The following FAM234B variants were observed in gnomAD, a reference collection of about 807,000 sequenced individuals.
FAM234B encodes the protein family with sequence similarity 234 member B.
In FAM234B, 33 loss-of-function variants were observed where a neutral mutation model predicts 69.3. The observed-to-expected ratio is 0.48, with a 90% CI of 0.36 to 0.64. The LOEUF (loss-of-function observed/expected upper bound fraction) is 0.64, where lower values mean the gene tolerates loss of function less well. Ranked by LOEUF, FAM234B falls within the 30% of genes least tolerant of loss-of-function variation. The pLI, the probability that FAM234B is intolerant of heterozygous loss-of-function variation, is 0.00. For missense variants in FAM234B, 697 were observed against 769.7 expected (o/e 0.91, Z 1.12); for synonymous variants, 306 against 306.9 (o/e 1.00, Z 0.03).
At chr12:13,057,631 G>A (rs1864944591) in intron 2 of FAM234B, among the ~76,000 whole-genome samples, 1 of 152,174 alleles carries the variant, frequency 6.6e-6, no homozygotes, top group Admixed American at 6.5e-5. Flanking sequence ...TTTCCAACAT[G>A]GTTGTACCGA....
At position 13,067,265 on chromosome 12, in the gene FAM234B, A is replaced by T. The variant is rs142786932; in HGVS notation, c.1111A>T (p.Ile371Phe). The T allele has an allele frequency of 6.2e-7, 1 of 1,613,894 alleles. No individual in the cohort carries two copies. Among genetic ancestry groups the T allele is most frequent in the African/African-American group, 1.3e-5 (1 of 74,928 alleles). ...EEPEWEKRRSINLSELIDVYS... is the reference protein window; with the variant it reads ...EEPEWEKRRSFNLSELIDVYS... ...GCCAGAATGGGAAAAGCGAAGATCC[A>T]TCAACCTGTCTGAGCTCATTGATGT... The change falls in exon 7 of 13, where the codon ATC becomes TTC. Residue 371 changes from isoleucine (I) to phenylalanine (F), a missense_variant. By Grantham distance (21) the Ile-to-Phe change is conservative (BLOSUM62 0). This residue lies in a region of FAM234B where 4 missense variants were observed against 17.1 expected (regional missense o/e 0.23). Coordinates refer to ENST00000197268, the MANE Select transcript of FAM234B (RefSeq NM_020853.2). This position sits in a 1 kb window ranked among gnomAD's most constrained non-coding sequence, Gnocchi z 4.7.
chr12:13,067,332 C>G lies in FAM234B; in HGVS notation c.1142+36C>G. 3 of 1,609,706 alleles carry G rather than the reference C, an allele frequency of 1.9e-6. No homozygotes were observed. The highest frequency in any genetic ancestry group is 2.2e-5 in the South Asian group (2 of 90,870). On this transcript the variant is annotated intron_variant, in intron 7 of 12. Transcript: ENST00000197268. The surrounding 1 kb of genome is among the most constrained non-coding windows in gnomAD (Gnocchi z 4.7). ...CGTCTGTCCTTGGTCACAGTGAGAT[C>G]TCTTGTGAACTCACATGCCTTTGAG...
chr12:13,073,798 T>C (rs550585117), intron 10 of FAM234B, among the ~76,000 whole-genome samples: 1 of 152,370 alleles, frequency 6.6e-6, no homozygotes, highest in South Asian at 2.1e-4. Flanking sequence ...CTGTTAATCA[T>C]TGGTTCTCTT....
At chr12:13,069,379 A>G (rs1001731289) in intron 9 of FAM234B, among the ~76,000 whole-genome samples, 4 of 152,202 alleles carry the variant, frequency 2.6e-5, no homozygotes, top group East Asian at 1.9e-4. Flanking sequence ...TGTGAAATAT[A>G]TATCTATTTC....
intron 1 of FAM234B, among the ~76,000 whole-genome samples, chr12:13,046,441 T>C (rs552165801): frequency 6.6e-6 from 1 of 152,262 alleles, no homozygotes; most frequent in South Asian, 2.1e-4. Flanking sequence ...CCCACTGTTT[T>C]CTTTGTTTGT....
At chr12:13,070,172 GATATATATATATATATATATATATAT>G (rs66463903) in intron 9 of FAM234B, among the ~76,000 whole-genome samples, 8 of 139,776 alleles carry the variant, frequency 5.7e-5, no homozygotes, top group African/African-American at 1.6e-4. Flanking sequence ...ATTAAAAAAA[GATATATATATATATATATATATATAT>G]ATATATATAT....
Position 13,079,773 on chromosome 12 carries a change from T to TAGC in FAM234B, c.1643-16_1643-15insAGC, listed in dbSNP as rs1217417459. ...ATGTGTCCATGTTAACTGCTCTTGTTTTTGTCCTTCCTCAGTTGGAATTAA... is the reference window on the plus strand; with the variant it reads ...ATGTGTCCATGTTAACTGCTCTTGTTAGCTTTGTCCTTCCTCAGTTGGAATTAA... On this transcript the variant is annotated splice_polypyrimidine_tract_variant and intron_variant, in intron 11 of 12. Transcript: ENST00000197268. 6.4e-7 allele frequency: 1 copy of TAGC among 1,567,464 alleles called. No homozygotes were observed. Among genetic ancestry groups the TAGC allele is most frequent in the African/African-American group, 1.4e-5 (1 of 73,876 alleles).
At chr12:13,074,210 C>T (rs909150668) in intron 10 of FAM234B, among the ~76,000 whole-genome samples, 2 of 152,196 alleles carry the variant, frequency 1.3e-5, no homozygotes, top group Non-Finnish European at 2.9e-5. Context: ...TCATAATCTG[C>T]ATTTCCATGA....
At chr12:13,075,433 C>CTT (rs59012504) in intron 10 of FAM234B, among the ~76,000 whole-genome samples, 60,999 of 137,320 alleles carry the variant, frequency 0.44, 13,716 homozygotes, top group Middle Eastern at 0.49. Context: ...CTTTTCTTTT[C>CTT]TTTTTTTTTT....
chr12:13,080,549 C>T, intron 12 of FAM234B, 76 bp from the exon 13 acceptor site: 1 of 1,188,560 alleles, frequency 8.4e-7, no homozygotes, highest in Non-Finnish European at 1.3e-6. Flanking sequence ...AATATTCTGA[C>T]CTTTAGTTTT....
In FAM234B at chr12:13,068,316, A is replaced by G; in HGVS notation, c.1155A>G (p.Glu385=). The G allele has an allele frequency of 6.2e-7, 1 of 1,614,158 alleles. No individual in the cohort carries two copies. The highest frequency in any genetic ancestry group is 8.5e-7 in the Non-Finnish European group (1 of 1,180,008). Residue 385 remains glutamate, a synonymous_variant, in exon 8 of 13, where the codon GAA becomes GAG. Coordinates refer to ENST00000197268, the MANE Select transcript of FAM234B (RefSeq NM_020853.2). ...ELIDVYSDGV[E]LLQMVKAPDS... is the part of the protein sequence containing the mutation. ...TTATTTAACCCAGTGATGGTGTTGA[A>G]CTACTCCAGATGGTGAAGGCACCAG...
Position 13,058,459 on chromosome 12 carries a change from C to T in FAM234B, c.442C>T (p.Leu148=). 1 of 1,613,934 alleles carries T rather than the reference C, an allele frequency of 6.2e-7. No homozygotes were observed. The highest frequency in any genetic ancestry group is 8.5e-7 in the Non-Finnish European group (1 of 1,179,888). ...TTTTATGTGTATAACAGGTGGGGAC[C>T]TGTCTCCATTGGAATTGGCTGATGT... is the stretch of plus-strand genomic sequence containing the variant. ...RHLGSQGGGD[L]SPLELADVNG... Residue 148 remains leucine, a synonymous_variant, in exon 3 of 13, where the codon CTG becomes TTG. Coordinates refer to ENST00000197268, the MANE Select transcript of FAM234B (RefSeq NM_020853.2).
chr12:13,057,071 G>A (rs1172937101), intron 2 of FAM234B, among the ~76,000 whole-genome samples: 1 of 147,200 alleles, frequency 6.8e-6, no homozygotes, highest in Non-Finnish European at 1.5e-5. Flanking sequence ...TTCACCTCCC[G>A]CGTTCAGGTG....
Position 13,078,836 on chromosome 12 carries a change from C to T in FAM234B, c.1643-953C>T, listed in dbSNP as rs1404963864. On this transcript the variant is annotated intron_variant, in intron 11 of 12. Transcript: ENST00000197268. ...ACCTAGGAATCCAACTTACAAGGGA[C>T]ATGAAGGACCTCTTCAAGGAGAACT... 7.9e-5 allele frequency among the ~76,000 whole-genome samples: 12 copies of T among 152,110 alleles called. No homozygotes were observed. In the South Asian group the frequency reaches 2.3e-3, roughly 29 times the overall value.
chr12:13,044,393 G>C lies in FAM234B; in HGVS notation c.-11G>C, dbSNP rs755782779. 8 of 1,550,994 alleles carry C rather than the reference G, an allele frequency of 5.2e-6. No homozygotes were observed. ...AACGCGGGCGCGCGCACGCGCACCGGGGCCTCAGCCATGGCGACCGTGCTG... is the reference window on the plus strand; with the variant it reads ...AACGCGGGCGCGCGCACGCGCACCGCGGCCTCAGCCATGGCGACCGTGCTG... On this transcript the variant is annotated 5_prime_UTR_variant, in exon 1 of 13. Coordinates refer to ENST00000197268, the MANE Select transcript of FAM234B (RefSeq NM_020853.2). This position sits in a 1 kb window ranked among gnomAD's most constrained non-coding sequence, Gnocchi z 5.6.
intron 1 of FAM234B, among the ~76,000 whole-genome samples, chr12:13,050,862 T>C (rs1864868591): frequency 1.3e-5 from 2 of 152,166 alleles, no homozygotes; most frequent in Non-Finnish European, 2.9e-5. Flanking sequence ...CATCATCTTA[T>C]TGTTGTCATG....
intron 1 of FAM234B, among the ~76,000 whole-genome samples, chr12:13,045,484 CTT>C: frequency 6.6e-6 from 1 of 152,216 alleles, no homozygotes; most frequent in East Asian, 1.9e-4. Flanking sequence ...CTAGTTTGAG[CTT>C]GCAGGGGGAT....
At position 13,055,744 on chromosome 12, in the gene FAM234B, C is replaced by T. The variant is rs199998591; in HGVS notation, c.231C>T (p.Val77=). 301 of 1,614,222 alleles carry T rather than the reference C, an allele frequency of 1.9e-4. 1 individual carries two copies. In the East Asian group the frequency reaches 6.3e-3, roughly 34 times the overall value. Reference sequence around the variant, plus strand: ...CTGCAAAGCCACATCTTTCAGAAGTCACCACGGAGGGCTACCCCTCAGAAC... The same window carrying T: ...CTGCAAAGCCACATCTTTCAGAAGTTACCACGGAGGGCTACCCCTCAGAAC... The part of the protein sequence containing the change: ...AEAAKPHLSE[V]TTEGYPSEPL... Residue 77 remains valine, a synonymous_variant, in exon 2 of 13, where the codon GTC becomes GTT. Transcript: ENST00000197268.
At chr12:13,074,939 G>T (rs1056892282) in intron 10 of FAM234B, among the ~76,000 whole-genome samples, 7 of 152,186 alleles carry the variant, frequency 4.6e-5, no homozygotes, top group Non-Finnish European at 1.0e-4. Context: ...CCCAGGGGAG[G>T]AGAGGCACTT....
Sources: gnomAD v4.1 joint callset for allele counts (sites outside exome capture counted in the v4.1 genomes callset) on GRCh38, gnomAD v4.1.1 for gene constraint, gnomAD v4.1.1 regional missense constraint, Gnocchi (gnomAD v3.1) non-coding constraint, MANE v1.5 for transcripts, NCBI Gene and HGNC (gene_info 2026-07-23, HGNC 2026-07-21) for gene names.